NFIB: variants seen among roughly 807,000 people sequenced by gnomAD.
NFIB encodes nuclear factor I B.
In NFIB, 11 loss-of-function variants were observed where a neutral mutation model predicts 61.5. That is an observed-to-expected ratio of 0.18 (90% CI 0.11 to 0.30). The LOEUF (loss-of-function observed/expected upper bound fraction) is 0.30. Among genes scored for constraint, NFIB ranks in the 10% least tolerant of loss-of-function variants. The pLI is 1.00. For synonymous variants in NFIB, 260 were observed against 216.5 expected (o/e 1.20, Z -1.76); for missense variants, 471 against 608.9 (o/e 0.77, Z 2.38).
chr9:14,264,041 TG>T (rs2057000020), intron 2 of NFIB, among the ~76,000 whole-genome samples: 1 of 152,188 alleles, frequency 6.6e-6, no homozygotes, highest in African/African-American at 2.4e-5. Context: ...ATTAGAGTTT[TG>T]TTTTGATTTA....
chr9:14,176,594 T>C (rs953968145), intron 3 of NFIB, among the ~76,000 whole-genome samples: 44 of 152,128 alleles, frequency 2.9e-4, no homozygotes, highest in Non-Finnish European at 1.0e-4. Context: ...ATATCAAATA[T>C]TCCTTTCCAA....
At chr9:14,304,957 G>A (rs1273270142) in intron 2 of NFIB, among the ~76,000 whole-genome samples, 1 of 152,116 alleles carries the variant, frequency 6.6e-6, no homozygotes, top group African/African-American at 2.4e-5. Context: ...ATGATGCACT[G>A]GCAGGTAGCA....
chr9:14,409,671 AG>A, the NFIB span, among the ~76,000 whole-genome samples: 5 of 152,352 alleles, frequency 3.3e-5, 1 homozygote, highest in South Asian at 1.0e-3. Flanking sequence ...AAAAGTAGAA[AG>A]AAAAGTTAAG....
chr9:14,473,993 T>G, the NFIB span, among the ~76,000 whole-genome samples: 1 of 152,146 alleles, frequency 6.6e-6, no homozygotes, highest in East Asian at 1.9e-4. Context: ...CTGGACATGG[T>G]GTGAGGACGG....
chr9:14,332,355 CAAG>C (rs2060832946), intron 1 of NFIB, among the ~76,000 whole-genome samples: 1 of 137,616 alleles, frequency 7.3e-6, no homozygotes, highest in Non-Finnish European at 1.6e-5. Context: ...AAAAAACACA[CAAG>C]AAGAATCTCC....
At chr9:14,167,091 G>A (rs1027980826) in intron 3 of NFIB, among the ~76,000 whole-genome samples, 1 of 148,796 alleles carries the variant, frequency 6.7e-6, no homozygotes, top group South Asian at 2.1e-4. Context: ...GTCGGGGGGG[G>A]GGGGTTCCCC....
chr9:14,269,301 A>G (rs2057433765), intron 2 of NFIB, among the ~76,000 whole-genome samples: 1 of 152,206 alleles, frequency 6.6e-6, no homozygotes, highest in Non-Finnish European at 1.5e-5. Flanking sequence ...ATGTAAAACT[A>G]GCTCTTTTTC....
At chr9:14,357,106 A>G (rs1274752673) in intron 1 of NFIB, 2 of 152,218 alleles carry the variant, frequency 1.3e-5, no homozygotes, top group Admixed American at 6.5e-5. Flanking sequence ...TTTCTTGGAA[A>G]AGAGTTGCTG....
At position 14,125,644 on chromosome 9, in the gene NFIB, C is replaced by T; in HGVS notation, c.1048G>A (p.Val350Ile). 6.2e-7 allele frequency: 1 copy of T among 1,614,114 alleles called. No homozygotes were observed. Residue 350 changes from valine (V) to isoleucine (I), a missense_variant, in exon 7 of 11, where the codon GTT (valine) becomes ATT (isoleucine). By Grantham distance (29) the Val-to-Ile change is conservative. This residue lies in a region of NFIB where 372 missense variants were observed against 395.6 expected (regional missense o/e 0.94). Coordinates refer to ENST00000380953, the MANE Select transcript of NFIB (RefSeq NM_001190737.2). ...PQHHHPGIPG[V>I]AHSVISTRTP... Reference sequence around the variant, plus strand: ...TGAAACTCCTCACCACTGTGTGCAACTCCAGGTATTCCGGGATGGTGGTGC... The same window carrying T: ...TGAAACTCCTCACCACTGTGTGCAATTCCAGGTATTCCGGGATGGTGGTGC...
In NFIB at chr9:14,314,004, G is replaced by T; in HGVS notation, c.-493C>A. The T allele has an allele frequency of 9.4e-7, 1 of 1,066,460 alleles. No homozygotes were observed. The highest frequency in any genetic ancestry group is 1.1e-6 in the Non-Finnish European group (1 of 881,642). The allele number at this position is 1,066,460 out of a possible 1,614,324, so 66.1% of individuals were successfully genotyped here. ...AGCGGGCGGGCGGGAGGGAGAGCGG[G>T]GAGAATGTGTCACCGCGCTGGGAAA... On this transcript the variant is annotated 5_prime_UTR_variant, in exon 1 of 11. Coordinates refer to ENST00000380953, the MANE Select transcript of NFIB (RefSeq NM_001190737.2).
chr9:14,248,988 T>C (rs1345650375), intron 2 of NFIB, among the ~76,000 whole-genome samples: 1 of 152,196 alleles, frequency 6.6e-6, no homozygotes, highest in East Asian at 1.9e-4. Flanking sequence ...AACTGGACTT[T>C]TAAATTACAT....
intron 7 of NFIB, among the ~76,000 whole-genome samples, chr9:14,121,419 AT>A (rs2038919044): frequency 6.6e-6 from 1 of 152,216 alleles, no homozygotes; most frequent in African/African-American, 2.4e-5. Flanking sequence ...CAAAAGTGAA[AT>A]TCAATTTCAA....
intron 1 of NFIB, among the ~76,000 whole-genome samples, chr9:14,390,281 G>C (rs545936646): frequency 6.6e-6 from 1 of 152,250 alleles, no homozygotes; most frequent in South Asian, 2.1e-4. Flanking sequence ...ACCATTCTAA[G>C]CTTCAGTTTC....
At chr9:14,192,478 C>T (rs1587477752) in intron 2 of NFIB, among the ~76,000 whole-genome samples, 1 of 152,240 alleles carries the variant, frequency 6.6e-6, no homozygotes, top group East Asian at 1.9e-4. Flanking sequence ...TCAGATCCAT[C>T]CTGAACTCTG....
chr9:14,299,093 T>C (rs894134576), intron 2 of NFIB, among the ~76,000 whole-genome samples: 5 of 152,248 alleles, frequency 3.3e-5, no homozygotes, highest in East Asian at 3.8e-4. Flanking sequence ...AGACTTCATA[T>C]TGACGTGTCA....
intron 1 of NFIB, among the ~76,000 whole-genome samples, chr9:14,329,759 C>T (rs1268732656): frequency 6.6e-5 from 10 of 151,596 alleles, no homozygotes; most frequent in African/African-American, 9.7e-5. Flanking sequence ...ATGATCCACC[C>T]GCCTCAGCCT....
At chr9:14,237,827 C>G (rs982134731) in intron 2 of NFIB, among the ~76,000 whole-genome samples, 3 of 69,958 alleles carry the variant, frequency 4.3e-5, no homozygotes, top group African/African-American at 1.8e-4. Flanking sequence ...AGCTCCTCAC[C>G]CTGCTAGGTA....
At chr9:14,352,963 T>C (rs1193221579) in intron 1 of NFIB, among the ~76,000 whole-genome samples, 1 of 152,148 alleles carries the variant, frequency 6.6e-6, no homozygotes, top group Non-Finnish European at 1.5e-5. Context: ...AGGATGCTCA[T>C]TTATTACTGA....
Position 14,299,996 on chromosome 9 carries a change from G to A in NFIB, c.562+6993C>T, listed in dbSNP as rs538432501. Among the ~76,000 whole-genome samples, 245 of 152,190 alleles carry A rather than the reference G, an allele frequency of 1.6e-3. 2 individuals are homozygous for A. The highest frequency in any genetic ancestry group is 1.2e-3 in the Non-Finnish European group (80 of 68,022). Reference sequence around the variant, plus strand: ...CAAGTCCTATTAGTCTCACTCTAACGTTCAATCTAATACAAGCTAATCCCA... The same window carrying A: ...CAAGTCCTATTAGTCTCACTCTAACATTCAATCTAATACAAGCTAATCCCA... On this transcript the variant is annotated intron_variant, in intron 2 of 10. Coordinates refer to ENST00000380953, the MANE Select transcript of NFIB (RefSeq NM_001190737.2).
Sources: allele counts gnomAD v4.1 joint callset (sites outside exome capture counted in the v4.1 genomes callset), GRCh38; gene constraint gnomAD v4.1.1; regional missense constraint gnomAD v4.1.1; transcripts MANE v1.5; gene names NCBI Gene and HGNC (gene_info 2026-07-23, HGNC 2026-07-21).